Variants in PEBP4 observed in about 807,000 individuals in gnomAD.
The protein encoded by PEBP4 is phosphatidylethanolamine binding protein 4.
PEBP4 carries 22 observed loss-of-function variants against 23.9 expected under a neutral mutation model. The observed-to-expected ratio is 0.92, with a 90% CI of 0.66 to 1.31. The LOEUF is 1.31. PEBP4 is among the 40% of genes most tolerant of loss of function. The probability of loss-of-function intolerance (pLI) is 0.00; values close to 1 mark genes in which losing one functional copy is unlikely to be tolerated. For missense variants in PEBP4, 324 were observed against 281.7 expected (o/e 1.15, Z -1.07); for synonymous variants, 112 against 99.3 (o/e 1.13, Z -0.76).
chr8:22,914,949 A>G (rs1304995928), intron 3 of PEBP4, among the ~76,000 whole-genome samples: 1 of 152,020 alleles, frequency 6.6e-6, no homozygotes, highest in Non-Finnish European at 1.5e-5. Flanking sequence ...ATAACTATTA[A>G]CAGCATCCCC....
At chr8:22,737,440 T>C (rs1804890256) in intron 4 of PEBP4, among the ~76,000 whole-genome samples, 1 of 152,082 alleles carries the variant, frequency 6.6e-6, no homozygotes, top group South Asian at 2.1e-4. Context: ...GGAGTGCCCG[T>C]GGTGCGCAGG....
intron 4 of PEBP4, among the ~76,000 whole-genome samples, chr8:22,812,342 G>C (rs1430414073): frequency 6.6e-6 from 1 of 152,168 alleles, no homozygotes; most frequent in African/African-American, 2.4e-5. Context: ...AAGCGGCAGA[G>C]CCTGGAACCT....
intron 3 of PEBP4, among the ~76,000 whole-genome samples, chr8:22,906,152 T>G (rs1301207979): frequency 6.6e-6 from 1 of 151,950 alleles, no homozygotes; most frequent in Non-Finnish European, 1.5e-5. Flanking sequence ...CCCCTCACTC[T>G]CCAGGGACCC....
intron 4 of PEBP4, among the ~76,000 whole-genome samples, chr8:22,803,350 T>A (rs1212183636): frequency 6.6e-6 from 1 of 152,102 alleles, no homozygotes; most frequent in Non-Finnish European, 1.5e-5. Context: ...TCCAGGCTCA[T>A]TTCAATCTCT....
rs144396567 is a variant in PEBP4, at chr8:22,829,884, A to T, written c.259-12149T>A. ...TACTTCCCACTAACTCCTTAATCCA[A>T]TCTGCCCCCATCGCTTCTGCTGCAG... On this transcript the variant is annotated intron_variant, in intron 3 of 6. Transcript: ENST00000256404. 4.7e-3 allele frequency among the ~76,000 whole-genome samples: 709 copies of T among 152,020 alleles called. 3 individuals carry two copies. The highest frequency in any genetic ancestry group is 7.5e-3 in the Non-Finnish European group (510 of 67,962).
intron 2 of PEBP4, among the ~76,000 whole-genome samples, chr8:22,923,363 T>TA (rs1310840925): frequency 6.6e-6 from 1 of 152,112 alleles, no homozygotes; most frequent in Non-Finnish European, 1.5e-5. Context: ...GCCCAGGAGT[T>TA]AGAGGCCAGC....
At chr8:22,725,028 C>T in intron 5 of PEBP4, 72 bp from the exon 6 acceptor site, 1 of 1,336,458 alleles carries the variant, frequency 7.5e-7, no homozygotes, top group Non-Finnish European at 1.1e-6. Context: ...TCTGCCTTCC[C>T]ATGGTCCTGC....
chr8:22,900,370 C>T (rs1808687859), intron 3 of PEBP4, among the ~76,000 whole-genome samples: 1 of 152,242 alleles, frequency 6.6e-6, no homozygotes, highest in South Asian at 2.1e-4. Flanking sequence ...TATCTTGACC[C>T]GAGCGCAGTG....
At chr8:22,861,323 C>A (rs1316768108) in intron 3 of PEBP4, among the ~76,000 whole-genome samples, 1 of 152,202 alleles carries the variant, frequency 6.6e-6, no homozygotes, top group East Asian at 1.9e-4. Flanking sequence ...TTTCCATGTA[C>A]CAGACTTCCC....
chr8:22,742,109 G>A (rs1020837942), intron 4 of PEBP4, among the ~76,000 whole-genome samples: 3 of 152,166 alleles, frequency 2.0e-5, no homozygotes, highest in African/African-American at 7.2e-5. Flanking sequence ...AGGAGTCTGG[G>A]ATTCTAGGAC....
At chr8:22,782,398 A>G (rs1805942246) in intron 4 of PEBP4, among the ~76,000 whole-genome samples, 1 of 152,222 alleles carries the variant, frequency 6.6e-6, no homozygotes, top group African/African-American at 2.4e-5. Flanking sequence ...TGTGCTAAGC[A>G]TGGTTCAAGT....
At chr8:22,755,237 C>G (rs769607870) in intron 4 of PEBP4, among the ~76,000 whole-genome samples, 1 of 151,462 alleles carries the variant, frequency 6.6e-6, no homozygotes, top group Non-Finnish European at 1.5e-5. Flanking sequence ...TATTATCTAG[C>G]GGAGTGTAAC....
At chr8:22,908,393 C>CA (rs11356446) in intron 3 of PEBP4, among the ~76,000 whole-genome samples, 19,646 of 141,746 alleles carry the variant, frequency 0.14, 1,576 homozygotes, top group East Asian at 0.24. Flanking sequence ...AACAAACAAA[C>CA]AAAAAAAAAA....
rs531220656 is a variant in PEBP4, at chr8:22,815,485, C to T, written c.357+2152G>A. Among the ~76,000 whole-genome samples the T allele has an allele frequency of 3.3e-5, 5 of 152,314 alleles. No homozygotes were observed. In the South Asian group the frequency reaches 8.3e-4, roughly 25 times the overall value. On this transcript the variant is annotated intron_variant, in intron 4 of 6. Coordinates refer to ENST00000256404, the MANE Select transcript of PEBP4 (RefSeq NM_144962.3). ...GATCAGAGCCTTCACTTCCTCTGGT[C>T]GAGGTCTAGAATCTGAGACCTAAAT...
At chr8:22,910,614 G>C (rs1056704566) in intron 3 of PEBP4, among the ~76,000 whole-genome samples, 1 of 152,276 alleles carries the variant, frequency 6.6e-6, no homozygotes, top group Non-Finnish European at 1.5e-5. Context: ...GCTTGGCAAC[G>C]ATGGACAGGG....
rs189447328 is a variant in PEBP4, at chr8:22,818,289, C to T, written c.259-554G>A. Among the ~76,000 whole-genome samples the T allele has an allele frequency of 2.0e-3, 308 of 152,158 alleles. 2 individuals carry two copies. Among genetic ancestry groups the T allele is most frequent in the African/African-American group, 7.0e-3 (291 of 41,518 alleles). On this transcript the variant is annotated intron_variant, in intron 3 of 6. Transcript: ENST00000256404. ...CAGTAAGGTCCATACTTTCAGGAAGCTTTTGTTCTAGGTAAAAGACGCAGA... is the reference window on the plus strand; with the variant it reads ...CAGTAAGGTCCATACTTTCAGGAAGTTTTTGTTCTAGGTAAAAGACGCAGA...
At position 22,824,144 on chromosome 8, in the gene PEBP4, G is replaced by A. The variant is rs117536355; in HGVS notation, c.259-6409C>T. ...AAAAATAGAAAGTTAAATGCTGACC[G>A]ATGATCTCTAAATGATGGGATAATT... On this transcript the variant is annotated intron_variant, in intron 3 of 6. Transcript: ENST00000256404. Among the ~76,000 whole-genome samples, 825 of 152,272 alleles carry A rather than the reference G, an allele frequency of 5.4e-3. 2 individuals are homozygous for A. The highest frequency in any genetic ancestry group is 9.5e-3 in the African/African-American group (396 of 41,544).
At chr8:22,772,493 C>CTT (rs34489811) in intron 4 of PEBP4, among the ~76,000 whole-genome samples, 9,236 of 121,416 alleles carry the variant, frequency 0.076, 510 homozygotes, top group Non-Finnish European at 0.087. Context: ...CTCTCTCTCT[C>CTT]TTTTTTTTTT....
intron 4 of PEBP4, among the ~76,000 whole-genome samples, chr8:22,728,547 TCTTTCTTTCTTTCTTCCTTCCTTC>T (rs1415998495): frequency 3.7e-4 from 40 of 107,748 alleles, no homozygotes; most frequent in South Asian, 6.7e-4. Context: ...TTCCTTCCTT[TCTTTCTTTCTTTCTTCCTTCCTTC>T]CTTCCTTCCT....
Sources: allele counts gnomAD v4.1 joint callset (sites outside exome capture counted in the v4.1 genomes callset), GRCh38; gene constraint gnomAD v4.1.1; transcripts MANE v1.5; gene names NCBI Gene and HGNC (gene_info 2026-07-23, HGNC 2026-07-21).